The following GALNT17 variants were observed in gnomAD, a reference collection of about 807,000 sequenced individuals.
The protein encoded by GALNT17 is polypeptide N-acetylgalactosaminyltransferase 17.
In GALNT17, 29 loss-of-function variants were observed where a neutral mutation model predicts 63.7. The ratio of observed to expected loss-of-function variants is 0.46; its 90% confidence interval spans 0.34 to 0.62. The LOEUF is 0.62. Among genes scored for constraint, GALNT17 ranks in the 20% least tolerant of loss-of-function variants. The probability of loss-of-function intolerance (pLI) is 0.01; values close to 1 mark genes in which losing one functional copy is unlikely to be tolerated. For missense variants in GALNT17, 603 were observed against 799.6 expected, an observed-to-expected ratio of 0.75 and a Z score of 2.97; for synonymous variants, 305 against 318.3, an observed-to-expected ratio of 0.96 and a Z score of 0.45.
At chr7:71,668,008 A>C (rs1791011217) in intron 7 of GALNT17, among the ~76,000 whole-genome samples, 1 of 152,112 alleles carries the variant, frequency 6.6e-6, no homozygotes, top group African/African-American at 2.4e-5. Flanking sequence ...CACGTTGCCC[A>C]GGCTGGTCTT....
At chr7:71,387,332 G>A (rs1212333346) in intron 2 of GALNT17, among the ~76,000 whole-genome samples, 1 of 151,124 alleles carries the variant, frequency 6.6e-6, no homozygotes, top group Non-Finnish European at 1.5e-5. Context: ...TTTTTTTGGG[G>A]GGCGGGGAGG....
chr7:71,438,580 A>G (rs1787009161), intron 5 of GALNT17, among the ~76,000 whole-genome samples: 1 of 152,182 alleles, frequency 6.6e-6, no homozygotes, highest in African/African-American at 2.4e-5. Context: ...TGTAAAGGGG[A>G]TAATAATAGT....
chr7:71,689,697 C>T (rs958758983), intron 9 of GALNT17, among the ~76,000 whole-genome samples: 3 of 152,178 alleles, frequency 2.0e-5, no homozygotes, highest in Non-Finnish European at 2.9e-5. Context: ...TAGCTAAACT[C>T]ATTGCTGAAG....
chr7:71,595,758 A>G (rs1436894653), intron 6 of GALNT17, among the ~76,000 whole-genome samples: 1 of 151,994 alleles, frequency 6.6e-6, no homozygotes, highest in Non-Finnish European at 1.5e-5. Flanking sequence ...CTGCCATCAC[A>G]TTCCATTGGC....
intron 2 of GALNT17, among the ~76,000 whole-genome samples, chr7:71,342,200 T>C (rs1408681204): frequency 5.3e-5 from 8 of 152,138 alleles, no homozygotes. Flanking sequence ...TGGCTTCTAC[T>C]TGGCTTCTAA....
At chr7:71,164,157 A>G (rs1328025375) in intron 1 of GALNT17, among the ~76,000 whole-genome samples, 1 of 152,150 alleles carries the variant, frequency 6.6e-6, no homozygotes, top group African/African-American at 2.4e-5. Flanking sequence ...AAAGTCATGT[A>G]GTTGTCTGGA....
chr7:71,429,011 C>T (rs568416691), intron 5 of GALNT17, among the ~76,000 whole-genome samples: 1 of 152,318 alleles, frequency 6.6e-6, no homozygotes, highest in East Asian at 1.9e-4. Flanking sequence ...CTGGGAAACC[C>T]TCCTGACACC....
intron 5 of GALNT17, among the ~76,000 whole-genome samples, chr7:71,521,135 A>G (rs982791689): frequency 2.0e-5 from 3 of 152,166 alleles, no homozygotes; most frequent in Non-Finnish European, 2.9e-5. Context: ...ACATGCACAT[A>G]TGTTTGGTAT....
At chr7:71,551,134 T>C (rs970864794) in intron 5 of GALNT17, among the ~76,000 whole-genome samples, 2 of 152,174 alleles carry the variant, frequency 1.3e-5, no homozygotes, top group Non-Finnish European at 2.9e-5. Flanking sequence ...TACCCTCTTT[T>C]ATTTATTCTT....
intron 1 of GALNT17, among the ~76,000 whole-genome samples, chr7:71,201,244 T>TATATATATATATATATATATACAC (rs753976717): frequency 1.4e-5 from 2 of 146,684 alleles, no homozygotes; most frequent in African/African-American, 5.1e-5. Context: ...TTTATTTTTA[T>TATATATATATATATATATATACAC]ATATATATAT....
intron 1 of GALNT17, among the ~76,000 whole-genome samples, chr7:71,318,864 C>T (rs781223064): frequency 2.6e-5 from 4 of 152,118 alleles, no homozygotes; most frequent in Admixed American, 6.5e-5. Flanking sequence ...AAATTCAGTA[C>T]GGAGTTGCAG....
At chr7:71,693,253 CACACACACAT>C (rs1483247900) in intron 9 of GALNT17, among the ~76,000 whole-genome samples, 8 of 92,678 alleles carry the variant, frequency 8.6e-5, no homozygotes, top group African/African-American at 2.5e-4. Flanking sequence ...TATATATACA[CACACACACAT>C]ACACACACAC....
At chr7:71,161,444 C>T (rs761007900) in intron 1 of GALNT17, among the ~76,000 whole-genome samples, 6 of 152,038 alleles carry the variant, frequency 3.9e-5, no homozygotes, top group African/African-American at 7.2e-5. Flanking sequence ...TTTTTAATGT[C>T]GCGAAGGAAT....
At chr7:71,579,597 A>T (rs907417140) in intron 6 of GALNT17, among the ~76,000 whole-genome samples, 5 of 152,226 alleles carry the variant, frequency 3.3e-5, no homozygotes, top group African/African-American at 1.2e-4. Context: ...TAAGCAAAGA[A>T]GGAGGTGTGC....
intron 9 of GALNT17, among the ~76,000 whole-genome samples, chr7:71,693,990 G>A (rs1467851139): frequency 6.6e-6 from 1 of 152,028 alleles, no homozygotes; most frequent in African/African-American, 2.4e-5. Context: ...TGCTGATAAA[G>A]TCGTACCTGA....
intron 5 of GALNT17, among the ~76,000 whole-genome samples, chr7:71,461,761 C>G (rs1315931527): frequency 2.0e-5 from 3 of 152,176 alleles, no homozygotes; most frequent in African/African-American, 7.2e-5. Context: ...CTCCTGCTGA[C>G]CCCCTCCTCC....
At chr7:71,561,792 G>A (rs796208405) in intron 5 of GALNT17, among the ~76,000 whole-genome samples, 24 of 152,082 alleles carry the variant, frequency 1.6e-4, no homozygotes, top group African/African-American at 5.8e-4. Flanking sequence ...CTGAGACAGC[G>A]AGCCACATGG....
In GALNT17 at chr7:71,665,624, C is replaced by A. The variant is rs746139954; in HGVS notation, c.1266+28C>A. The A allele has an allele frequency of 1.9e-6, 3 of 1,601,234 alleles. No individual in the cohort carries two copies. The South Asian group carries it at 3.4e-5, about 18-fold the overall frequency. ...AGGGATCACCAGCCTTTCCCCACCA[C>A]CCCAGTACAGTGATCCTTACTGTTT... On this transcript the variant is annotated intron_variant, in intron 7 of 10. Transcript: ENST00000333538.
intron 1 of GALNT17, among the ~76,000 whole-genome samples, chr7:71,187,102 T>C (rs1377044898): frequency 6.6e-6 from 1 of 152,072 alleles, no homozygotes; most frequent in Admixed American, 6.6e-5. Flanking sequence ...ACTACAACTT[T>C]TAGTAGATAC....
Sources: allele counts gnomAD v4.1 joint callset (sites outside exome capture counted in the v4.1 genomes callset), GRCh38; gene constraint gnomAD v4.1.1; transcripts MANE v1.5; gene names NCBI Gene and HGNC (gene_info 2026-07-23, HGNC 2026-07-21).